PRDM15: variants seen among roughly 807,000 people sequenced by gnomAD.
PRDM15 encodes PR domain zinc finger protein 15.
In PRDM15, 64 loss-of-function variants were observed where a neutral mutation model predicts 128.6. The ratio of observed to expected loss-of-function variants is 0.50; its 90% CI spans 0.41 to 0.61. The LOEUF is 0.61. Among genes scored for constraint, PRDM15 ranks in the 20% least tolerant of loss-of-function variants. The pLI is 0.00. For synonymous variants in PRDM15, 615 were observed against 621.8 expected, an observed-to-expected ratio of 0.99 and a Z score of 0.16; for missense variants, 1,242 against 1,569.1, an observed-to-expected ratio of 0.79 and a Z score of 3.52.
chr21:41,825,556 G>A (rs1373170062), intron 13 of PRDM15, among the ~76,000 whole-genome samples: 1 of 152,174 alleles, frequency 6.6e-6, no homozygotes, highest in Non-Finnish European at 1.5e-5. Flanking sequence ...TCCACTGCAC[G>A]GAGGAGACCG....
In PRDM15 at chr21:41,836,616, G is replaced by A; in HGVS notation, c.1035C>T (p.Leu345=). ...FTHHQNNTIT[L]KRSLILSSRH... is the part of the protein sequence containing the mutation. ...TGCTTGAGAGAATTAAGCTCCTCTTGAGCGTGATGGTGTTATTCTGATGAT... is the reference window on the plus strand; with the variant it reads ...TGCTTGAGAGAATTAAGCTCCTCTTAAGCGTGATGGTGTTATTCTGATGAT... The change falls in exon 9 of 24, where the codon CTC becomes CTT. Residue 345 remains leucine, a synonymous_variant. Transcript: ENST00000398548. 6.2e-7 allele frequency: 1 copy of A among 1,612,658 alleles called. No individual in the cohort carries two copies. The highest frequency in any genetic ancestry group is 8.5e-7 in the Non-Finnish European group (1 of 1,179,244).
At position 41,859,581 on chromosome 21, in the gene PRDM15, C is replaced by T. The variant is rs374398486; in HGVS notation, c.131+11G>A. ...ATATGGAAGGCCCGGGAGCTCACGG[C>T]GGTCACTCACCTTGCCCTGCTTAAC... is the stretch of plus-strand genomic sequence containing the variant. On this transcript the variant is annotated intron_variant, in intron 3 of 23. Coordinates refer to ENST00000398548, the MANE Select transcript of PRDM15 (RefSeq NM_001040424.3). The surrounding 1 kb of genome is among the most constrained non-coding windows in gnomAD (Gnocchi z 5.3). 2.6e-4 allele frequency: 422 copies of T among 1,610,992 alleles called. No individual in the cohort carries two copies. Among genetic ancestry groups the T allele is most frequent in the South Asian group, 4.8e-4 (44 of 90,966 alleles).
Position 41,821,811 on chromosome 21 carries a change from C to A in PRDM15, c.1896+92G>T. The A allele has an allele frequency of 6.7e-7, 1 of 1,497,034 alleles. No individual in the cohort carries two copies. Among genetic ancestry groups the A allele is most frequent in the Non-Finnish European group, 9.2e-7 (1 of 1,088,778 alleles). 92.7% of individuals were successfully genotyped at this position (1,497,034 alleles called of 1,614,324 possible). The stretch of plus-strand genomic sequence containing the variant: ...GGGAGGGAGGGCTGCTTCCGAGATG[C>A]ATGAAGGTGCCTGCTGTGTGGGGCC... On this transcript the variant is annotated intron_variant, in intron 15 of 23. Transcript: ENST00000398548. The surrounding 1 kb of genome is among the most constrained non-coding windows in gnomAD (Gnocchi z 5.4).
Position 41,859,349 on chromosome 21 carries a change from G to GA in PRDM15, c.131+242_131+243insT. On this transcript the variant is annotated intron_variant, in intron 3 of 23. Transcript: ENST00000398548. The surrounding 1 kb of genome is among the most constrained non-coding windows in gnomAD (Gnocchi z 5.3). ...CCACACACTGTGTCGGGAACAGCTG[G>GA]GCTCCAGCTAAGAACCCTGGAGTGG... 1 of 949,314 alleles carries GA rather than the reference G, an allele frequency of 1.1e-6. No homozygotes were observed. Among genetic ancestry groups the GA allele is most frequent in the Non-Finnish European group, 1.6e-6 (1 of 625,594 alleles). 58.8% of individuals were successfully genotyped at this position (949,314 alleles called of 1,614,324 possible).
At chr21:41,872,421 G>A (rs2064245123) in intron 1 of PRDM15, among the ~76,000 whole-genome samples, 1 of 152,082 alleles carries the variant, frequency 6.6e-6, no homozygotes, top group East Asian at 1.9e-4. Context: ...AATATTGGCT[G>A]CCCTAACAAG....
chr21:41,835,783 G>A (rs1485510553), intron 10 of PRDM15, among the ~76,000 whole-genome samples: 4 of 103,688 alleles, frequency 3.9e-5, no homozygotes, highest in South Asian at 3.0e-4. Context: ...CTGCGCTTGT[G>A]GGCATCTGAC....
At chr21:41,809,233 T>C (rs1458783841) in intron 21 of PRDM15, among the ~76,000 whole-genome samples, 5 of 128,030 alleles carry the variant, frequency 3.9e-5, no homozygotes, top group East Asian at 2.3e-4. Context: ...GCAAATTTTT[T>C]CTTTTTTTTT....
intron 5 of PRDM15, among the ~76,000 whole-genome samples, chr21:41,853,393 A>AG (rs559993532): frequency 3.3e-5 from 5 of 152,192 alleles, no homozygotes; most frequent in African/African-American, 9.7e-5. Context: ...GTCATTTGGG[A>AG]GGGGGGTCAG....
At chr21:41,863,652 G>A (rs1241307049) in intron 1 of PRDM15, among the ~76,000 whole-genome samples, 2 of 152,064 alleles carry the variant, frequency 1.3e-5, no homozygotes, top group Non-Finnish European at 1.5e-5. Flanking sequence ...TTCCTTACAC[G>A]GAACGCTCCG....
intron 5 of PRDM15, among the ~76,000 whole-genome samples, chr21:41,848,729 C>G (rs1319688541): frequency 6.6e-6 from 1 of 152,218 alleles, no homozygotes; most frequent in Admixed American, 6.5e-5. Flanking sequence ...AGCCTCCACA[C>G]CCCCACAAGT....
intron 11 of PRDM15, among the ~76,000 whole-genome samples, chr21:41,835,099 T>C (rs1382220736): frequency 6.6e-6 from 1 of 152,152 alleles, no homozygotes; most frequent in Non-Finnish European, 1.5e-5. Flanking sequence ...ATCTTTTCCT[T>C]TCTTCCTCAG....
At chr21:41,803,133 A>T in intron 22 of PRDM15, 2 of 583,800 alleles carry the variant, frequency 3.4e-6, no homozygotes, top group South Asian at 4.1e-5. Context: ...AAAAAAAAAT[A>T]CATGCAAGTC....
At chr21:41,822,394 T>C (rs772591112) in intron 14 of PRDM15, among the ~76,000 whole-genome samples, 30 of 152,324 alleles carry the variant, frequency 2.0e-4, no homozygotes, top group Middle Eastern at 6.8e-3. Context: ...CTCCCAGCCT[T>C]TATCACACCC....
intron 1 of PRDM15, chr21:41,861,732 C>A: frequency 6.2e-7 from 1 of 1,614,130 alleles, no homozygotes; most frequent in Non-Finnish European, 8.5e-7. Flanking sequence ...TGGAAACTCA[C>A]AGTCACTGAA....
At chr21:41,833,609 G>T (rs1174232678) in intron 11 of PRDM15, among the ~76,000 whole-genome samples, 5 of 152,158 alleles carry the variant, frequency 3.3e-5, no homozygotes, top group African/African-American at 1.2e-4. Context: ...CCATTTCAAG[G>T]TTTTTATCCT....
At chr21:41,833,110 T>C (rs893584108) in intron 11 of PRDM15, among the ~76,000 whole-genome samples, 9 of 152,118 alleles carry the variant, frequency 5.9e-5, no homozygotes, top group African/African-American at 1.7e-4. Context: ...GAGGGGATTA[T>C]TGGGGGAGGC....
chr21:41,803,963 A>ATTTTTT (rs72214468), intron 22 of PRDM15, among the ~76,000 whole-genome samples: 1 of 132,470 alleles, frequency 7.5e-6, no homozygotes, highest in Non-Finnish European at 1.6e-5. Context: ...GATTGTTCTG[A>ATTTTTT]TTTTTTTTTT....
At position 41,859,367 on chromosome 21, in the gene PRDM15, T is replaced by G. The variant is rs1339394319; in HGVS notation, c.131+225A>C. 3.6e-6 allele frequency: 3 copies of G among 831,400 alleles called. No homozygotes were observed. In the African/African-American group the frequency reaches 5.1e-5, roughly 14 times the overall value. 51.5% of individuals were successfully genotyped at this position (831,400 alleles called of 1,614,324 possible). ...ACAGCTGGGCTCCAGCTAAGAACCC[T>G]GGAGTGGATCAAAGAAACTCACTCT... On this transcript the variant is annotated intron_variant, in intron 3 of 23. Transcript: ENST00000398548. This position sits in a 1 kb window ranked among gnomAD's most constrained non-coding sequence, Gnocchi z 5.3.
At chr21:41,836,090 AC>A (rs765942677) in intron 10 of PRDM15, 22 bp downstream of exon 10, 3 of 1,565,322 alleles carry the variant, frequency 1.9e-6, no homozygotes, top group Non-Finnish European at 2.6e-6. Flanking sequence ...TGGGAAGAGA[AC>A]CCTGGGCTTG....
Sources: gnomAD v4.1 joint callset for allele counts (sites outside exome capture counted in the v4.1 genomes callset) on GRCh38, gnomAD v4.1.1 for gene constraint, Gnocchi (gnomAD v3.1) non-coding constraint, MANE v1.5 for transcripts, NCBI Gene and HGNC (gene_info 2026-07-23, HGNC 2026-07-21) for gene names.